The following TMPRSS4 variants were observed in gnomAD, a reference collection of about 807,000 sequenced individuals.
TMPRSS4 encodes transmembrane protease serine 4.
TMPRSS4 carries 45 observed loss-of-function variants against 56.4 expected under a neutral mutation model. That is an observed-to-expected ratio of 0.80 (90% CI 0.63 to 1.02). The LOEUF (loss-of-function observed/expected upper bound fraction) is 1.02, where lower values mean the gene tolerates loss of function less well. Ranked by LOEUF, TMPRSS4 falls within the 50% of genes least tolerant of loss-of-function variation. TMPRSS4 has a pLI of 0.00. For missense variants in TMPRSS4, 546 were observed against 556.7 expected, an observed-to-expected ratio of 0.98 and a Z score of 0.19; for synonymous variants, 205 against 211.0, an observed-to-expected ratio of 0.97 and a Z score of 0.25.
chr11:118,108,005 C>A, intron 6 of TMPRSS4, 130 bp downstream of exon 6: 2 of 676,854 alleles, frequency 3.0e-6, no homozygotes, highest in Non-Finnish European at 2.6e-6. Flanking sequence ...GAACTCCTAG[C>A]CAGATGGATC....
chr11:118,124,562 T>A (rs1281519612), downstream of TMPRSS4, among the ~76,000 whole-genome samples: 1 of 152,196 alleles, frequency 6.6e-6, no homozygotes, highest in Non-Finnish European at 1.5e-5. Context: ...TTAAAACTTA[T>A]ATAAACACAA....
At chr11:118,079,955 C>T (rs1944997281) in intron 1 of TMPRSS4, among the ~76,000 whole-genome samples, 1 of 152,200 alleles carries the variant, frequency 6.6e-6, no homozygotes, top group African/African-American at 2.4e-5. Flanking sequence ...TGCCTGCTCT[C>T]CTGGATCCTT....
chr11:118,108,153 T>C (rs1364333033), intron 6 of TMPRSS4: 2 of 342,562 alleles, frequency 5.8e-6, no homozygotes, highest in African/African-American at 4.1e-5. Flanking sequence ...TTTCCATCAA[T>C]CTGGATAGTA....
chr11:118,077,666 G>A (rs1418928907), intron 1 of TMPRSS4, among the ~76,000 whole-genome samples: 1 of 152,170 alleles, frequency 6.6e-6, no homozygotes, highest in Admixed American at 6.5e-5. Flanking sequence ...CTGTTCTGAT[G>A]CCACGGTTGC....
intron 6 of TMPRSS4, chr11:118,108,593 A>G (rs1947117666): frequency 2.1e-6 from 1 of 486,796 alleles, no homozygotes; most frequent in Non-Finnish European, 3.6e-6. Flanking sequence ...GGGTCCCAGG[A>G]GCCCAGGCTG....
intron 9 of TMPRSS4, among the ~76,000 whole-genome samples, chr11:118,113,745 G>A (rs1323256259): frequency 1.3e-5 from 2 of 152,038 alleles, no homozygotes; most frequent in Non-Finnish European, 2.9e-5. Context: ...AAAGATTATC[G>A]AGCTAATTCC....
intron 7 of TMPRSS4, among the ~76,000 whole-genome samples, chr11:118,111,519 AAAAG>A (rs1049961390): frequency 2.0e-5 from 3 of 152,186 alleles, no homozygotes; most frequent in African/African-American, 4.8e-5. Context: ...AAATAAAAAA[AAAAG>A]AAAGAAAGAA....
At chr11:118,108,673 G>A (rs1047066019) in intron 6 of TMPRSS4, 183 bp from the exon 7 acceptor site, 5 of 618,088 alleles carry the variant, frequency 8.1e-6, no homozygotes, top group Admixed American at 2.8e-5. Flanking sequence ...CCAATCAAAC[G>A]GAAGTGTCAA....
chr11:118,112,379 CTTTTTTTTTTTTTTTTT>C (rs71469160), intron 8 of TMPRSS4, among the ~76,000 whole-genome samples: 1 of 45,674 alleles, frequency 2.2e-5, no homozygotes, highest in Non-Finnish European at 3.9e-5. Context: ...ACCCCCTTCA[CTTTTTTTTTTTTTTTTT>C]TTTTTTTTTT....
At chr11:118,095,621 C>T (rs1293198621) in intron 2 of TMPRSS4, among the ~76,000 whole-genome samples, 4 of 152,198 alleles carry the variant, frequency 2.6e-5, no homozygotes, top group Non-Finnish European at 5.9e-5. Flanking sequence ...TGCTCCGCCA[C>T]CTGAGCAAGC....
At chr11:118,085,388 T>G (rs1422727267) in intron 1 of TMPRSS4, among the ~76,000 whole-genome samples, 1 of 152,050 alleles carries the variant, frequency 6.6e-6, no homozygotes, top group Non-Finnish European at 1.5e-5. Flanking sequence ...CACGCCCAGC[T>G]AATTTTTTGT....
At chr11:118,081,999 A>C (rs1945171457) in intron 1 of TMPRSS4, among the ~76,000 whole-genome samples, 2 of 152,146 alleles carry the variant, frequency 1.3e-5, no homozygotes, top group Admixed American at 6.5e-5. Flanking sequence ...CCTCACCTTC[A>C]TCCCATCTCC....
intron 3 of TMPRSS4, among the ~76,000 whole-genome samples, chr11:118,102,435 C>T (rs1214811306): frequency 4.6e-5 from 7 of 152,168 alleles, no homozygotes; most frequent in East Asian, 1.9e-4. Context: ...AGGCCGAGTG[C>T]GGTGGCTCAC....
intron 1 of TMPRSS4, among the ~76,000 whole-genome samples, chr11:118,081,217 T>C (rs1239871691): frequency 2.0e-5 from 3 of 152,166 alleles, no homozygotes; most frequent in African/African-American, 7.2e-5. Flanking sequence ...GAAGTCCAAT[T>C]GGAAAACATA....
chr11:118,125,196 C>T (rs1250372625), downstream of TMPRSS4: 2 of 447,386 alleles, frequency 4.5e-6, no homozygotes, highest in African/African-American at 2.0e-5. Context: ...GGCTGAGTAA[C>T]AAAACATGGA....
chr11:118,086,427 C>CA (rs1945560756), intron 1 of TMPRSS4, among the ~76,000 whole-genome samples: 1 of 152,246 alleles, frequency 6.6e-6, no homozygotes, highest in African/African-American at 2.4e-5. Context: ...TCTAATGTAG[C>CA]AGCCAAGGCT....
chr11:118,082,785 T>G (rs59541976), intron 1 of TMPRSS4, among the ~76,000 whole-genome samples: 1 of 152,164 alleles, frequency 6.6e-6, no homozygotes, highest in African/African-American at 2.4e-5. Flanking sequence ...ATATTATAAG[T>G]GGATCAGGCC....
chr11:118,097,375 C>T (rs1447393943), intron 2 of TMPRSS4, among the ~76,000 whole-genome samples: 1 of 151,790 alleles, frequency 6.6e-6, no homozygotes, highest in Non-Finnish European at 1.5e-5. Flanking sequence ...ATAGGGAGAT[C>T]CAGGAAGGCC....
intron 3 of TMPRSS4, among the ~76,000 whole-genome samples, chr11:118,099,472 A>AAAG (rs1946616130): frequency 4.5e-5 from 1 of 22,310 alleles, no homozygotes. Context: ...AGAAAGAAAG[A>AAAG]AAGAAAGAAA....
Sources: allele counts gnomAD v4.1 joint callset (sites outside exome capture counted in the v4.1 genomes callset), GRCh38; gene constraint gnomAD v4.1.1; transcripts MANE v1.5; gene names NCBI Gene and HGNC (gene_info 2026-07-23, HGNC 2026-07-21).